MALT1: variants seen among roughly 807,000 people sequenced by gnomAD.
The protein encoded by MALT1 is mucosa-associated lymphoid tissue lymphoma translocation protein 1.
In MALT1, 36 loss-of-function variants were observed where a neutral mutation model predicts 85.5. That is an observed-to-expected ratio of 0.42 (90% CI 0.32 to 0.56). The LOEUF (loss-of-function observed/expected upper bound fraction) is 0.56. Ranked by LOEUF, MALT1 falls within the 20% of genes least tolerant of loss-of-function variation. The pLI is 0.10. For missense variants in MALT1, 716 were observed against 981.6 expected, an observed-to-expected ratio of 0.73 and a Z score of 3.62; for synonymous variants, 359 against 361.3, an observed-to-expected ratio of 0.99 and a Z score of 0.07.
rs754310323 is a variant in MALT1, at chr18:58,696,363, T to TA, written c.377-2dup. The TA allele has an allele frequency of 2.2e-6, 3 of 1,373,300 alleles. No homozygotes were observed. Among genetic ancestry groups the TA allele is most frequent in the Middle Eastern group, 2.0e-4 (1 of 4,966 alleles). The allele number at this position is 1,373,300 out of a possible 1,614,324, so 85.1% of individuals were successfully genotyped here. A position where few individuals can be genotyped will look rare whatever the true frequency, so the allele number is the denominator to read the frequency against. ...TTTTTTTTTTTTTTTTTTTTTTTTT[T>TA]AGGAATAAAGATTACTGTAAACCCA... On this transcript the variant is annotated splice_polypyrimidine_tract_variant and splice_region_variant and intron_variant, in intron 2 of 16. Transcript: ENST00000649217.
At chr18:58,685,972 A>T (rs546526648) in intron 2 of MALT1, among the ~76,000 whole-genome samples, 1 of 152,130 alleles carries the variant, frequency 6.6e-6, no homozygotes, top group South Asian at 2.1e-4. Flanking sequence ...ACCAATATTG[A>T]CATCTGTATA....
In MALT1 at chr18:58,747,694, G is replaced by C. The variant is rs760481063; in HGVS notation, c.2327G>C (p.Ser776Thr). 1 of 1,614,164 alleles carries C rather than the reference G, an allele frequency of 6.2e-7. No individual in the cohort carries two copies. The highest frequency in any genetic ancestry group is 2.2e-5 in the East Asian group (1 of 44,886). ...CCAAGTAATGTTACACCAGCAGATAGCTGTCATTGCAGCCGGACTCCAGAT... is the reference window on the plus strand; with the variant it reads ...CCAAGTAATGTTACACCAGCAGATACCTGTCATTGCAGCCGGACTCCAGAT... ...GNPSNVTPAD[S>T]CHCSRTPDAF... Residue 776 changes from serine (S) to threonine (T), a missense_variant, in exon 17 of 17, where the codon AGC (serine) becomes ACC (threonine). Coordinates refer to ENST00000649217, the MANE Select transcript of MALT1 (RefSeq NM_006785.4).
intron 1 of MALT1, among the ~76,000 whole-genome samples, chr18:58,680,298 A>G (rs1440352361): frequency 6.6e-6 from 1 of 152,232 alleles, no homozygotes; most frequent in African/African-American, 2.4e-5. Context: ...ATAGTAGTGT[A>G]TTATACACAG....
At chr18:58,731,111 T>G (rs2055142832) in intron 10 of MALT1, among the ~76,000 whole-genome samples, 1 of 152,022 alleles carries the variant, frequency 6.6e-6, no homozygotes, top group South Asian at 2.1e-4. Context: ...ACCACCACAC[T>G]TAGCTGGATT....
At position 58,723,047 on chromosome 18, in the gene MALT1, G is replaced by T; in HGVS notation, c.1019-1G>T. On this transcript the variant is annotated splice_acceptor_variant, in intron 9 of 16. Transcript: ENST00000649217. LOFTEE classifies it high-confidence loss of function. ...ACACCCCCTTTCTTTTTTTTTCAAA[G>T]CGAAGGACAAGGTTGCCCTTTTGAT... 1 of 1,594,608 alleles carries T rather than the reference G, an allele frequency of 6.3e-7. No homozygotes were observed. Among genetic ancestry groups the T allele is most frequent in the South Asian group, 1.1e-5 (1 of 87,768 alleles).
At chr18:58,720,952 T>G (rs1460789932) in intron 9 of MALT1, among the ~76,000 whole-genome samples, 1 of 152,160 alleles carries the variant, frequency 6.6e-6, no homozygotes, top group Admixed American at 6.5e-5. Context: ...CTGATTTGAG[T>G]CTGTCACTCT....
At chr18:58,727,616 GTTTTTTTTTTTGTTT>G (rs1468535814) in intron 10 of MALT1, among the ~76,000 whole-genome samples, 2 of 121,264 alleles carry the variant, frequency 1.6e-5, no homozygotes, top group Non-Finnish European at 3.4e-5. Context: ...GGTTTTTTGT[GTTTTTTTTTTTGTTT>G]TTTTTTTTTT....
chr18:58,718,168 C>T (rs1278211686), intron 9 of MALT1, among the ~76,000 whole-genome samples: 1 of 152,182 alleles, frequency 6.6e-6, no homozygotes. Context: ...GTAGTTGAGA[C>T]AGGATTGAAA....
intron 10 of MALT1, among the ~76,000 whole-genome samples, chr18:58,724,882 C>T (rs754294750): frequency 2.0e-5 from 3 of 151,824 alleles, no homozygotes; most frequent in Non-Finnish European, 2.9e-5. Context: ...CAGTGGCTTA[C>T]GTCTGTAATC....
intron 2 of MALT1, among the ~76,000 whole-genome samples, chr18:58,685,217 C>T (rs1306528624): frequency 6.6e-6 from 1 of 152,146 alleles, no homozygotes; most frequent in Non-Finnish European, 1.5e-5. Context: ...ACTTCTTATT[C>T]CACAGGAAGT....
intron 14 of MALT1, among the ~76,000 whole-genome samples, chr18:58,743,186 C>T (rs1207124994): frequency 3.3e-5 from 5 of 152,010 alleles, no homozygotes; most frequent in Non-Finnish European, 7.4e-5. Context: ...ACCAGCCTGG[C>T]CAACATGGTG....
At chr18:58,715,246 A>C (rs2054882806) in intron 8 of MALT1, among the ~76,000 whole-genome samples, 1 of 152,194 alleles carries the variant, frequency 6.6e-6, no homozygotes, top group Non-Finnish European at 1.5e-5. Flanking sequence ...ATTTCAGAAA[A>C]ACTTTTGTAA....
chr18:58,745,791 G>A lies in MALT1; in HGVS notation c.2037G>A (p.Lys679=). The change falls in exon 16 of 17, where the codon AAG becomes AAA. Residue 679 remains lysine, a splice_region_variant and synonymous_variant. Transcript: ENST00000649217. The stretch of plus-strand genomic sequence containing the variant: ...GACTCAGTTCACTGCAAAAATTAAA[G>A]GTTACTACCTTTTCTGTTTATAGCT... ...YTRLSSLQKL[K]EHLVFTVCLS... is the part of the protein sequence containing the mutation. 6.2e-7 allele frequency: 1 copy of A among 1,607,792 alleles called. No individual in the cohort carries two copies. The highest frequency in any genetic ancestry group is 8.5e-7 in the Non-Finnish European group (1 of 1,178,216).
intron 4 of MALT1, among the ~76,000 whole-genome samples, chr18:58,705,386 C>CA (rs2054735236): frequency 6.6e-6 from 1 of 150,564 alleles, no homozygotes; most frequent in Non-Finnish European, 1.5e-5. Flanking sequence ...AGGTTAGTTA[C>CA]ATATGTATAC....
At chr18:58,741,028 C>T (rs1200713399) in intron 13 of MALT1, among the ~76,000 whole-genome samples, 1 of 152,082 alleles carries the variant, frequency 6.6e-6, no homozygotes, top group Non-Finnish European at 1.5e-5. Context: ...AGAGCCACAC[C>T]AACTTCCTTT....
At chr18:58,702,763 T>C (rs1166830099) in intron 4 of MALT1, among the ~76,000 whole-genome samples, 1 of 152,162 alleles carries the variant, frequency 6.6e-6, no homozygotes, top group Non-Finnish European at 1.5e-5. Flanking sequence ...ATGTAGTGAG[T>C]GTATCATTCA....
At chr18:58,717,771 A>G (rs2054925037) in intron 9 of MALT1, among the ~76,000 whole-genome samples, 1 of 149,724 alleles carries the variant, frequency 6.7e-6, no homozygotes, top group Non-Finnish European at 1.5e-5. Context: ...AAAAAAAGAA[A>G]CCTGCTATGT....
In MALT1 at chr18:58,700,604, A is replaced by C; in HGVS notation, c.649+13A>C. 6.3e-7 allele frequency: 1 copy of C among 1,579,618 alleles called. No homozygotes were observed. The highest frequency in any genetic ancestry group is 8.6e-7 in the Non-Finnish European group (1 of 1,169,288). Reference sequence around the variant, plus strand: ...GAGAGCTTCCAGAGTAAGTAACGAAAGAAGCTGAATGTTGGGATGGGGATT... The same window carrying C: ...GAGAGCTTCCAGAGTAAGTAACGAACGAAGCTGAATGTTGGGATGGGGATT... On this transcript the variant is annotated intron_variant, in intron 4 of 16. Coordinates refer to ENST00000649217, the MANE Select transcript of MALT1 (RefSeq NM_006785.4).
Position 58,709,393 on chromosome 18 carries a change from T to A in MALT1, c.665T>A (p.Val222Asp). The change falls in exon 5 of 17, where the codon GTC becomes GAC. Residue 222 changes from valine (V) to aspartate (D), a missense_variant. Val to Asp is a radical substitution (Grantham distance 152). Around this residue, in one of 4 missense-constraint regions of MALT1, gnomAD observed 290 missense variants for 380.5 expected, o/e 0.76. Transcript: ENST00000649217. The stretch of plus-strand genomic sequence containing the variant: ...TTAATTTAAGGAAGTGTTGATGGCG[T>A]CTCTGAATCCAAGTTGCAAATCTGT... ...PESFQRSVDGVSESKLQICVE... is the reference protein window; with the variant it reads ...PESFQRSVDGDSESKLQICVE... 1 of 1,587,482 alleles carries A rather than the reference T, an allele frequency of 6.3e-7. No homozygotes were observed. The highest frequency in any genetic ancestry group is 8.6e-7 in the Non-Finnish European group (1 of 1,168,264).
Sources: allele counts gnomAD v4.1 joint callset (sites outside exome capture counted in the v4.1 genomes callset), GRCh38; gene constraint gnomAD v4.1.1; regional missense constraint gnomAD v4.1.1; transcripts MANE v1.5; gene names NCBI Gene and HGNC (gene_info 2026-07-23, HGNC 2026-07-21).